Variants in IFT80 observed in about 807,000 individuals in gnomAD.
IFT80 encodes the protein intraflagellar transport 80.
Under a neutral mutation model 107.9 loss-of-function variants are expected in IFT80, and 79 were observed. That is an observed-to-expected ratio of 0.73 (90% confidence interval 0.61 to 0.88). IFT80 has a LOEUF of 0.88. IFT80 is among the 40% of genes least tolerant of loss of function. IFT80 has a pLI of 0.00. For missense variants in IFT80, 797 were observed against 914.2 expected (o/e 0.87, Z 1.65); for synonymous variants, 299 against 300.9 (o/e 0.99, Z 0.07).
chr3:160,346,019 C>T (rs968058598), intron 8 of IFT80, among the ~76,000 whole-genome samples: 2 of 152,098 alleles, frequency 1.3e-5, no homozygotes, highest in African/African-American at 4.8e-5. Context: ...TAAATATCTG[C>T]ACCTACTGTG....
intron 18 of IFT80, among the ~76,000 whole-genome samples, chr3:160,276,394 A>G (rs954468770): frequency 2.6e-5 from 4 of 152,222 alleles, no homozygotes; most frequent in African/African-American, 4.8e-5. Context: ...TAAAATATCT[A>G]TAGAAATTCT....
chr3:160,327,298 T>C (rs1718741629), intron 8 of IFT80, among the ~76,000 whole-genome samples: 1 of 152,082 alleles, frequency 6.6e-6, no homozygotes, highest in Non-Finnish European at 1.5e-5. Context: ...CTACCATTGA[T>C]ATTCTTCACA....
At chr3:160,311,548 G>C (rs1314789455) in intron 9 of IFT80, among the ~76,000 whole-genome samples, 3 of 152,098 alleles carry the variant, frequency 2.0e-5, no homozygotes, top group African/African-American at 7.2e-5. Flanking sequence ...GAATATTTTT[G>C]CTCACCTCTT....
At position 160,285,841 on chromosome 3, in the gene IFT80, C is replaced by A. The variant is rs1715047540; in HGVS notation, c.1343G>T (p.Gly448Val). The change falls in exon 13 of 20, where the codon GGA (glycine) becomes GTA (valine). Residue 448 changes from glycine to valine, a missense_variant. Gly to Val is a moderately radical substitution (Grantham distance 109). Coordinates refer to ENST00000326448, the MANE Select transcript of IFT80 (RefSeq NM_020800.3). ...AAACTTTCCATCACCTAACGGCTTTCCGGTTGATGCCTCAAAGAGGAAGAT... is the reference window on the plus strand; with the variant it reads ...AAACTTTCCATCACCTAACGGCTTTACGGTTGATGCCTCAAAGAGGAAGAT... Reference protein sequence around the residue: ...KIIFLFEASTGKPLGDGKFLS... With the variant: ...KIIFLFEASTVKPLGDGKFLS... 3.1e-6 allele frequency: 5 copies of A among 1,610,462 alleles called. No homozygotes were observed. Among genetic ancestry groups the A allele is most frequent in the Middle Eastern group, 3.3e-4 (2 of 6,042 alleles).
intron 13 of IFT80, among the ~76,000 whole-genome samples, chr3:160,283,674 G>A (rs904295385): frequency 1.4e-4 from 22 of 151,940 alleles, no homozygotes; most frequent in African/African-American, 4.8e-4. Flanking sequence ...GCTTATCATC[G>A]TCATCATCAT....
Position 160,258,436 on chromosome 3 carries a change from C to T in IFT80, c.*89G>A, listed in dbSNP as rs1207159526. On this transcript the variant is annotated 3_prime_UTR_variant, in exon 20 of 20. Transcript: ENST00000326448. The stretch of plus-strand genomic sequence containing the variant: ...TACTTATACTCGGTTAAAGATTATG[C>T]TTTTTTCTTTAGCAACCAAAACATG... 1 of 1,538,730 alleles carries T rather than the reference C, an allele frequency of 6.5e-7. No individual in the cohort carries two copies. Among genetic ancestry groups the T allele is most frequent in the Non-Finnish European group, 8.9e-7 (1 of 1,122,454 alleles).
intron 8 of IFT80, among the ~76,000 whole-genome samples, chr3:160,338,615 A>G (rs2108329729): frequency 6.6e-6 from 1 of 151,734 alleles, no homozygotes; most frequent in African/African-American, 2.4e-5. Context: ...CTGGGCAACA[A>G]AGTGAGACCC....
At chr3:160,398,597 C>T (rs1327181141) in intron 1 of IFT80, among the ~76,000 whole-genome samples, 3 of 152,028 alleles carry the variant, frequency 2.0e-5, no homozygotes, top group Non-Finnish European at 2.9e-5. Context: ...CAATGTCAGG[C>T]GAGTTATGAA....
intron 5 of IFT80, among the ~76,000 whole-genome samples, chr3:160,374,551 G>A (rs185432148): frequency 3.3e-5 from 5 of 152,308 alleles, no homozygotes; most frequent in Non-Finnish European, 7.4e-5. Flanking sequence ...AGGAAAAACG[G>A]ATATAGCACT....
chr3:160,381,534 C>T lies in IFT80; in HGVS notation c.228G>A (p.Gln76=). The T allele has an allele frequency of 1.2e-6, 2 of 1,613,662 alleles. No individual in the cohort carries two copies. The highest frequency in any genetic ancestry group is 1.7e-6 in the Non-Finnish European group (2 of 1,179,778). ...PKSLGVKKQT[Q]AESFVLTSSD... ...AACTTGTGAGGACAAAGCTTTCTGC[C>T]TGGGTTTGTTTCTTTACACCCAAAC... Residue 76 remains glutamine, a synonymous_variant, in exon 3 of 20, where the codon CAG becomes CAA. Coordinates refer to ENST00000326448, the MANE Select transcript of IFT80 (RefSeq NM_020800.3).
In IFT80 at chr3:160,279,321, G is replaced by C. The variant is rs976753508; in HGVS notation, c.1708C>G (p.Gln570Glu). 6.2e-7 allele frequency: 1 copy of C among 1,612,882 alleles called. No individual in the cohort carries two copies. The highest frequency in any genetic ancestry group is 8.5e-7 in the Non-Finnish European group (1 of 1,179,182). ...NPHIVSFVGN[Q>E]VTIRRADGSL... ...CCATCAGCTCTTCTAATAGTTACTT[G>C]ATTTCCAACAAAACTCACAATATGG... The change falls in exon 16 of 20, where the codon CAA becomes GAA. Residue 570 changes from glutamine to glutamate, a missense_variant. By Grantham distance (29) the Gln-to-Glu change is conservative. Transcript: ENST00000326448.
In IFT80 at chr3:160,266,566, T is replaced by G. The variant is rs146301336; in HGVS notation, c.2223+1847A>C. On this transcript the variant is annotated intron_variant, in intron 19 of 19. Coordinates refer to ENST00000326448, the MANE Select transcript of IFT80 (RefSeq NM_020800.3). ...GTCCAGCTAATTTTTAAATTTTTTG[T>G]ACAGATGGGATCTCACTATGTTGCC... 4.5e-3 allele frequency among the ~76,000 whole-genome samples: 678 copies of G among 152,154 alleles called. 6 individuals carry two copies. Among genetic ancestry groups the G allele is most frequent in the African/African-American group, 0.016 (655 of 41,524 alleles).
At chr3:160,260,222 C>T (rs530155284) in intron 19 of IFT80, among the ~76,000 whole-genome samples, 1 of 152,212 alleles carries the variant, frequency 6.6e-6, no homozygotes, top group East Asian at 1.9e-4. Context: ...TCATAGAAGA[C>T]AAATGTCTGT....
chr3:160,376,818 A>G (rs1240939440), intron 4 of IFT80, among the ~76,000 whole-genome samples: 1 of 152,210 alleles, frequency 6.6e-6, no homozygotes, highest in Non-Finnish European at 1.5e-5. Context: ...TCAAAGCCAG[A>G]GAACTAATGC....
At chr3:160,390,497 G>C (rs984223376) in intron 1 of IFT80, among the ~76,000 whole-genome samples, 11 of 151,992 alleles carry the variant, frequency 7.2e-5, no homozygotes, top group Admixed American at 2.6e-4. Flanking sequence ...GAGAGTAAAG[G>C]GATCATTCAG....
chr3:160,268,381 T>A, intron 19 of IFT80, 32 bp downstream of exon 19: 2 of 1,555,140 alleles, frequency 1.3e-6, no homozygotes, highest in Non-Finnish European at 1.8e-6. Flanking sequence ...ATAAAGCATA[T>A]GTATTATTAT....
At chr3:160,260,222 C>A (rs530155284) in intron 19 of IFT80, among the ~76,000 whole-genome samples, 1 of 152,094 alleles carries the variant, frequency 6.6e-6, no homozygotes, top group African/African-American at 2.4e-5. Context: ...TCATAGAAGA[C>A]AAATGTCTGT....
At position 160,366,160 on chromosome 3, in the gene IFT80, A is replaced by T. The variant is rs367575772; in HGVS notation, c.440-8T>A. The T allele has an allele frequency of 4.0e-5, 63 of 1,577,858 alleles. No individual in the cohort carries two copies. Among genetic ancestry groups the T allele is most frequent in the Non-Finnish European group, 5.4e-5 (62 of 1,148,560 alleles). On this transcript the variant is annotated splice_polypyrimidine_tract_variant and splice_region_variant and intron_variant, in intron 5 of 19. Transcript: ENST00000326448. The stretch of plus-strand genomic sequence containing the variant: ...CTGAATACACTGGTGTTCCTGTAAG[A>T]TGAAAAAAGAAAAAAAAAAGGCTGA...
At position 160,323,486 on chromosome 3, in the gene IFT80, G is replaced by C. The variant is rs1486675112; in HGVS notation, c.778-3547C>G. 2.6e-5 allele frequency among the ~76,000 whole-genome samples: 4 copies of C among 152,120 alleles called. No homozygotes were observed. In the East Asian group the frequency reaches 7.7e-4, roughly 29 times the overall value. The stretch of plus-strand genomic sequence containing the variant: ...CAGGTAGCATGATGCCTCCAGCTTT[G>C]TTCTTTTGGCTTAGGATTGAACAAC... On this transcript the variant is annotated intron_variant, in intron 8 of 19. Transcript: ENST00000326448.
Sources: gnomAD v4.1 joint callset for allele counts (sites outside exome capture counted in the v4.1 genomes callset) on GRCh38, gnomAD v4.1.1 for gene constraint, MANE v1.5 for transcripts, NCBI Gene and HGNC (gene_info 2026-07-23, HGNC 2026-07-21) for gene names.